FNBP1: variants seen among roughly 807,000 people sequenced by gnomAD.
The protein encoded by FNBP1 is formin binding protein 1.
FNBP1 carries 26 observed loss-of-function variants against 90.6 expected under a neutral mutation model. The observed-to-expected ratio is 0.29, with a 90% confidence interval of 0.21 to 0.40. The LOEUF (loss-of-function observed/expected upper bound fraction) is 0.40. FNBP1 is among the 10% of genes least tolerant of loss of function. FNBP1 has a pLI of 1.00. For synonymous variants in FNBP1, 260 were observed against 265.2 expected (o/e 0.98, Z 0.19); for missense variants, 635 against 768.0 (o/e 0.83, Z 2.05).
At chr9:130,014,879 A>G (rs2057059514) in intron 1 of FNBP1, among the ~76,000 whole-genome samples, 2 of 152,098 alleles carry the variant, frequency 1.3e-5, no homozygotes, top group Non-Finnish European at 2.9e-5. Flanking sequence ...CCTTAAAAAA[A>G]AAAACATTTT....
intron 6 of FNBP1, among the ~76,000 whole-genome samples, chr9:129,947,456 AAGAAAAAAAG>A (rs2045493108): frequency 2.6e-5 from 4 of 151,678 alleles, no homozygotes; most frequent in Non-Finnish European, 5.9e-5. Context: ...AAAAAAAGAA[AAGAAAAAAAG>A]AAAAAACAAA....
intron 6 of FNBP1, among the ~76,000 whole-genome samples, chr9:129,949,305 T>G (rs1035376611): frequency 1.3e-5 from 2 of 152,208 alleles, no homozygotes; most frequent in Admixed American, 6.5e-5. Flanking sequence ...ATTAAGCTGA[T>G]TTCCTCTCTT....
At chr9:130,016,027 C>T (rs970272482) in intron 1 of FNBP1, among the ~76,000 whole-genome samples, 1 of 152,174 alleles carries the variant, frequency 6.6e-6, no homozygotes, top group African/African-American at 2.4e-5. Context: ...TCTTCTTAAT[C>T]TTTGTTCATT....
intron 1 of FNBP1, among the ~76,000 whole-genome samples, chr9:130,034,991 A>C (rs1233838048): frequency 1.3e-5 from 2 of 152,212 alleles, no homozygotes; most frequent in African/African-American, 4.8e-5. Context: ...TACAAAAAAA[A>C]TACAAAAATT....
chr9:130,014,975 A>T (rs1203546538), intron 1 of FNBP1, among the ~76,000 whole-genome samples: 4 of 133,270 alleles, frequency 3.0e-5, no homozygotes, highest in Admixed American at 7.2e-5. Flanking sequence ...AAAACTTCTT[A>T]AAAAAAAAAA....
chr9:129,929,768 C>T, intron 6 of FNBP1, 73 bp from the exon 7 acceptor site: 1 of 1,448,302 alleles, frequency 6.9e-7, no homozygotes, highest in East Asian at 2.3e-5. Flanking sequence ...CAATAAAAGC[C>T]TAGAACTGCA....
intron 1 of FNBP1, among the ~76,000 whole-genome samples, chr9:130,030,828 G>A (rs1230412262): frequency 2.0e-5 from 3 of 152,132 alleles, no homozygotes; most frequent in Admixed American, 6.6e-5. Context: ...GTCACCTCCA[G>A]GCATATTGAA....
chr9:129,891,222 G>A (rs2035074935), intron 16 of FNBP1, among the ~76,000 whole-genome samples: 1 of 151,394 alleles, frequency 6.6e-6, no homozygotes, highest in Non-Finnish European at 1.5e-5. Context: ...CACTTTGAGA[G>A]GCTGAAGAGG....
chr9:130,007,635 T>C (rs2055951503), intron 1 of FNBP1, among the ~76,000 whole-genome samples: 1 of 152,168 alleles, frequency 6.6e-6, no homozygotes. Flanking sequence ...AGTTCCTCTC[T>C]TGTTTCTACG....
At chr9:129,948,356 CTTTTTTTTTTTT>C (rs71385491) in intron 6 of FNBP1, among the ~76,000 whole-genome samples, 12 of 64,480 alleles carry the variant, frequency 1.9e-4, no homozygotes, top group Admixed American at 1.7e-3. Flanking sequence ...ATTTTGGTGT[CTTTTTTTTTTTT>C]TTTTTTTTTT....
chr9:129,955,550 A>C (rs1209444271), intron 6 of FNBP1, among the ~76,000 whole-genome samples: 1 of 151,522 alleles, frequency 6.6e-6, no homozygotes, highest in Non-Finnish European at 1.5e-5. Flanking sequence ...AAAAAAAAAA[A>C]ATTATTTATT....
intron 10 of FNBP1, among the ~76,000 whole-genome samples, chr9:129,923,347 G>A (rs1172325893): frequency 2.6e-5 from 4 of 152,012 alleles, no homozygotes; most frequent in Non-Finnish European, 5.9e-5. Context: ...TTGTAAGGCC[G>A]AGGCGGGCGG....
At chr9:129,949,877 T>G (rs1299685482) in intron 6 of FNBP1, among the ~76,000 whole-genome samples, 1 of 152,238 alleles carries the variant, frequency 6.6e-6, no homozygotes, top group Non-Finnish European at 1.5e-5. Flanking sequence ...CGTATGCTTA[T>G]AGTTCATATC....
intron 6 of FNBP1, among the ~76,000 whole-genome samples, chr9:129,940,754 G>A (rs1401368967): frequency 3.9e-5 from 6 of 151,992 alleles, no homozygotes; most frequent in African/African-American, 1.2e-4. Flanking sequence ...AGCCTCCTGA[G>A]TAGCTGGGAC....
At chr9:130,011,575 A>T (rs1215820858) in intron 1 of FNBP1, among the ~76,000 whole-genome samples, 2 of 151,978 alleles carry the variant, frequency 1.3e-5, no homozygotes, top group Non-Finnish European at 2.9e-5. Context: ...TCCCTTCCCC[A>T]TGTGGCAACA....
chr9:130,005,978 T>C (rs994302484), intron 1 of FNBP1, among the ~76,000 whole-genome samples: 6 of 152,184 alleles, frequency 3.9e-5, no homozygotes, highest in African/African-American at 1.4e-4. Context: ...AAATGTCTCC[T>C]ATAGCAGGAG....
chr9:129,923,142 T>C (rs1304451611), intron 10 of FNBP1, among the ~76,000 whole-genome samples: 2 of 152,138 alleles, frequency 1.3e-5, no homozygotes, highest in Non-Finnish European at 2.9e-5. Context: ...GGATTACAGA[T>C]GTGAACTATC....
rs761284720 is a variant in FNBP1 at position 129,978,587 on chromosome 9, A to C, written c.223T>G (p.Ser75Ala). ...YKYTSCKAFI[S>A]NLNEMNDYAG... The stretch of plus-strand genomic sequence containing the variant: ...TAATCATTCATTTCGTTCAGGTTGG[A>C]AATGAAAGCTTTACATGACGTATAC... The change falls in exon 4 of 17, where the codon TCC (serine) becomes GCC (alanine). Residue 75 changes from serine (S) to alanine (A), a missense_variant. Ser to Ala is a moderately conservative substitution (Grantham distance 99). Coordinates refer to ENST00000446176, the MANE Select transcript of FNBP1 (RefSeq NM_015033.3). 6.2e-7 allele frequency: 1 copy of C among 1,613,874 alleles called. No homozygotes were observed. Among genetic ancestry groups the C allele is most frequent in the South Asian group, 1.1e-5 (1 of 91,078 alleles).
chr9:129,908,289 G>A (rs1007316155), intron 12 of FNBP1, among the ~76,000 whole-genome samples: 6 of 147,858 alleles, frequency 4.1e-5, no homozygotes, highest in Admixed American at 1.4e-4. Context: ...CTGCAGCCAG[G>A]ACCTCCTGGG....
Sources: allele counts gnomAD v4.1 joint callset (sites outside exome capture counted in the v4.1 genomes callset), GRCh38; gene constraint gnomAD v4.1.1; transcripts MANE v1.5; gene names NCBI Gene and HGNC (gene_info 2026-07-23, HGNC 2026-07-21).